HPSE2: variants seen among roughly 807,000 people sequenced by gnomAD.
HPSE2 encodes the protein inactive heparanase-2.
In HPSE2, 38 loss-of-function variants were observed where a neutral mutation model predicts 60.5. That is an observed-to-expected ratio of 0.63 (90% CI 0.48 to 0.82). The LOEUF (loss-of-function observed/expected upper bound fraction) is 0.82, where lower values mean the gene tolerates loss of function less well. Ranked by LOEUF, HPSE2 falls within the 40% of genes least tolerant of loss-of-function variation. HPSE2 has a pLI of 0.00. For synonymous variants in HPSE2, 295 were observed against 293.2 expected, an observed-to-expected ratio of 1.01 and a Z score of -0.06; for missense variants, 713 against 740.4, an observed-to-expected ratio of 0.96 and a Z score of 0.43.
chr10:99,228,618 T>A (rs1382062767), intron 2 of HPSE2, among the ~76,000 whole-genome samples: 1 of 152,150 alleles, frequency 6.6e-6, no homozygotes, highest in Non-Finnish European at 1.5e-5. Flanking sequence ...TAAGATTCCT[T>A]GGGTATAAAG....
chr10:99,231,990 C>T (rs555545905), intron 2 of HPSE2, among the ~76,000 whole-genome samples: 1 of 152,312 alleles, frequency 6.6e-6, no homozygotes, highest in Admixed American at 6.5e-5. Flanking sequence ...CTACACCCCG[C>T]AGGAACAGCC....
chr10:98,780,027 A>T (rs1950429269), intron 3 of HPSE2, among the ~76,000 whole-genome samples: 1 of 152,094 alleles, frequency 6.6e-6, no homozygotes, highest in Non-Finnish European at 1.5e-5. Context: ...TCTGAGAAAA[A>T]TTTTTAAAAA....
At chr10:98,620,788 A>G (rs1335118015) in intron 7 of HPSE2, 80 bp from the exon 8 acceptor site, 26 of 936,446 alleles carry the variant, frequency 2.8e-5, no homozygotes. Flanking sequence ...ACATTCCCTT[A>G]AGGAAGTTGA....
intron 3 of HPSE2, among the ~76,000 whole-genome samples, chr10:99,070,269 A>T (rs1842745680): frequency 6.6e-6 from 1 of 152,214 alleles, no homozygotes; most frequent in Admixed American, 6.5e-5. Context: ...AAACTCAATA[A>T]TTAGTAAACA....
At chr10:99,144,654 C>A (rs1406886764) in intron 2 of HPSE2, among the ~76,000 whole-genome samples, 2 of 152,168 alleles carry the variant, frequency 1.3e-5, no homozygotes, top group Non-Finnish European at 2.9e-5. Context: ...AAGATTCTCA[C>A]TCCTCAATTC....
chr10:99,120,173 GA>G (rs371265848), intron 3 of HPSE2, among the ~76,000 whole-genome samples: 7 of 152,192 alleles, frequency 4.6e-5, no homozygotes, highest in African/African-American at 1.7e-4. Context: ...CAGAATGGAA[GA>G]AAATATTTGC....
intron 5 of HPSE2, among the ~76,000 whole-genome samples, chr10:98,712,280 G>GAA (rs71304998): frequency 2.7e-5 from 4 of 146,350 alleles, no homozygotes; most frequent in East Asian, 2.0e-4. Context: ...AAAATTAGAA[G>GAA]AAAAAAAAAA....
chr10:98,589,949 C>A (rs1229899889), intron 9 of HPSE2, among the ~76,000 whole-genome samples: 3 of 152,148 alleles, frequency 2.0e-5, no homozygotes, highest in Non-Finnish European at 4.4e-5. Context: ...ATTCAACTAT[C>A]CAGATATTCG....
intron 3 of HPSE2, among the ~76,000 whole-genome samples, chr10:98,854,788 C>T (rs998505106): frequency 1.3e-5 from 2 of 152,152 alleles, no homozygotes; most frequent in South Asian, 2.1e-4. Context: ...AGTCTCTGTA[C>T]TTGTAGATTT....
intron 9 of HPSE2, among the ~76,000 whole-genome samples, chr10:98,560,413 C>T (rs1049379775): frequency 6.6e-6 from 1 of 152,240 alleles, no homozygotes; most frequent in Non-Finnish European, 1.5e-5. Flanking sequence ...CAAAGCCACA[C>T]AGTACATGTC....
chr10:98,823,914 G>C (rs1951481779), intron 3 of HPSE2, among the ~76,000 whole-genome samples: 2 of 152,090 alleles, frequency 1.3e-5, no homozygotes, highest in Non-Finnish European at 2.9e-5. Context: ...CAGAAAAAAT[G>C]CATGCTTTTC....
At chr10:99,174,201 T>C (rs1345677119) in intron 2 of HPSE2, among the ~76,000 whole-genome samples, 1 of 152,216 alleles carries the variant, frequency 6.6e-6, no homozygotes, top group East Asian at 1.9e-4. Flanking sequence ...CATCTTGAGT[T>C]CCATCTTTGT....
At chr10:98,867,008 T>C (rs1478797927) in intron 3 of HPSE2, among the ~76,000 whole-genome samples, 1 of 152,040 alleles carries the variant, frequency 6.6e-6, no homozygotes, top group African/African-American at 2.4e-5. Context: ...AACCAGACAA[T>C]AAAGGACAGT....
chr10:99,025,705 G>C (rs1245667602), intron 3 of HPSE2, among the ~76,000 whole-genome samples: 1 of 152,060 alleles, frequency 6.6e-6, no homozygotes, highest in Non-Finnish European at 1.5e-5. Context: ...ACCTGAGTGG[G>C]GAGGGTAGGA....
intron 9 of HPSE2, among the ~76,000 whole-genome samples, chr10:98,490,405 A>G (rs140211982): frequency 3.3e-4 from 50 of 152,314 alleles, no homozygotes; most frequent in Non-Finnish European, 6.8e-4. Context: ...TGAAATGGAC[A>G]CTGTCTAAAG....
chr10:98,902,666 G>C (rs1247417084), intron 3 of HPSE2, among the ~76,000 whole-genome samples: 1 of 152,130 alleles, frequency 6.6e-6, no homozygotes, highest in East Asian at 1.9e-4. Flanking sequence ...ATTGCATTTA[G>C]TGAACATATA....
At chr10:99,163,144 G>A (rs547286549) in intron 2 of HPSE2, among the ~76,000 whole-genome samples, 2 of 151,610 alleles carry the variant, frequency 1.3e-5, no homozygotes, top group South Asian at 2.1e-4. Context: ...CCAGGAGGCC[G>A]AGCTTGCAGT....
intron 2 of HPSE2, among the ~76,000 whole-genome samples, chr10:99,215,698 C>G (rs1314180404): frequency 6.6e-6 from 1 of 152,122 alleles, no homozygotes; most frequent in African/African-American, 2.4e-5. Flanking sequence ...CCAAAATAAG[C>G]AAACCAATAG....
chr10:98,692,449 T>C (rs915584447), intron 6 of HPSE2, among the ~76,000 whole-genome samples: 14 of 151,876 alleles, frequency 9.2e-5, no homozygotes, highest in African/African-American at 3.4e-4. Context: ...CAAGATCCTC[T>C]AGCTTACTCA....
Sources: gnomAD v4.1 joint callset for allele counts (sites outside exome capture counted in the v4.1 genomes callset) on GRCh38, gnomAD v4.1.1 for gene constraint, MANE v1.5 for transcripts, NCBI Gene and HGNC (gene_info 2026-07-23, HGNC 2026-07-21) for gene names.